COL6A5: variants seen among roughly 807,000 people sequenced by gnomAD.
The protein encoded by COL6A5 is collagen type VI alpha 5 chain, also known as collagen alpha-5(VI) chain.
In COL6A5, 48 loss-of-function variants were observed where a neutral mutation model predicts 65.6. The ratio of observed to expected loss-of-function variants is 0.73; its 90% CI spans 0.58 to 0.93. The LOEUF is 0.93. COL6A5 is among the 40% of genes least tolerant of loss of function. The probability of loss-of-function intolerance (pLI) is 0.00; values close to 1 mark genes in which losing one functional copy is unlikely to be tolerated. For missense variants in COL6A5, 914 were observed against 928.3 expected, an observed-to-expected ratio of 0.98 and a Z score of 0.20; for synonymous variants, 291 against 322.8, an observed-to-expected ratio of 0.90 and a Z score of 1.05.
chr3:130,363,076 T>A (rs1935200489), intron 1 of COL6A5, among the ~76,000 whole-genome samples: 1 of 152,214 alleles, frequency 6.6e-6, no homozygotes, highest in African/African-American at 2.4e-5. Flanking sequence ...CCTTTGTTTT[T>A]TGTTCCAATT....
chr3:130,409,896 C>T lies in COL6A5; in HGVS notation c.4543-113C>T, dbSNP rs548532162. On this transcript the variant is annotated intron_variant and NMD_transcript_variant, in intron 18 of 41. Transcript: ENST00000312481. ...GTGAGTTTCGAATATGAAAAAATTT[C>T]TCACACCTCTTATAGCTTGACCCAA... The T allele has an allele frequency of 2.1e-5, 13 of 608,390 alleles. No homozygotes were observed. In the East Asian group the frequency reaches 3.8e-4, roughly 18 times the overall value. 37.7% of individuals were successfully genotyped at this position (608,390 alleles called of 1,614,324 possible).
intron 1 of COL6A5, among the ~76,000 whole-genome samples, chr3:130,369,082 G>A (rs1006339417): frequency 1.3e-5 from 2 of 152,140 alleles, no homozygotes; most frequent in East Asian, 3.9e-4. Context: ...GCCAGCTTTT[G>A]TTGCATAAAT....
At chr3:130,414,475 C>G (rs755574636) in intron 22 of COL6A5, among the ~76,000 whole-genome samples, 1 of 152,094 alleles carries the variant, frequency 6.6e-6, no homozygotes, top group East Asian at 1.9e-4. Flanking sequence ...TACACAGGCT[C>G]CCACAAAGGA....
At chr3:130,403,708 T>TAC (rs71158192) in intron 13 of COL6A5, 46 bp downstream of exon 13, 27,710 of 1,212,970 alleles carry the variant, frequency 0.023, 308 homozygotes, top group East Asian at 0.16. Context: ...ACACACACTG[T>TAC]ACACACACAC....
chr3:130,411,661 G>T (rs933730126), intron 20 of COL6A5, among the ~76,000 whole-genome samples: 1 of 152,134 alleles, frequency 6.6e-6, no homozygotes, highest in Non-Finnish European at 1.5e-5. Flanking sequence ...AAATTTTAAA[G>T]ATAAGTGTGT....
intron 7 of COL6A5, chr3:130,471,891 C>T (rs576722360): frequency 2.9e-4 from 452 of 1,534,834 alleles, no homozygotes; most frequent in Admixed American, 4.7e-4. Context: ...GAAGAAATTT[C>T]AGCTCTAGTG....
rs774848288 is a variant in COL6A5 at position 130,469,018 on chromosome 3, C to T, written c.1770C>T (p.Val590=). 10 of 1,612,894 alleles carry T rather than the reference C, an allele frequency of 6.2e-6. No homozygotes were observed. The Admixed American group carries it at 1.3e-4, about 22-fold the overall frequency. ...CCACCTTAGGAGACAGGGTTGCTGT[C>T]CTGAGCTACTCTCCTCCAGGCTATA... Residue 590 remains valine (V), a synonymous_variant, in exon 6 of 8, where the codon GTC becomes GTT. Coordinates refer to ENST00000512836, the Ensembl canonical transcript of COL6A5.
At position 130,431,464 on chromosome 3, in the gene COL6A5, G is replaced by GA; in HGVS notation, c.7dup (p.Cys4MetfsTer24). 1 of 1,546,322 alleles carries GA rather than the reference G, an allele frequency of 6.5e-7. No individual in the cohort carries two copies. Among genetic ancestry groups the GA allele is most frequent in the Non-Finnish European group, 8.7e-7 (1 of 1,144,934 alleles). Reference sequence around the variant, plus strand: ...AATACTTCTGCTTTTCTTTTTTCTAGAAAAATGTCCAGCATATCCAACAGA... The same window carrying GA: ...AATACTTCTGCTTTTCTTTTTTCTAGAAAAAATGTCCAGCATATCCAACAGA... On this transcript the variant is annotated frameshift_variant, in exon 1 of 8. Coordinates refer to ENST00000512836, the Ensembl canonical transcript of COL6A5. LOFTEE classifies it high-confidence loss of function.
At chr3:130,390,505 C>T (rs1936356976) in intron 6 of COL6A5, among the ~76,000 whole-genome samples, 1 of 152,012 alleles carries the variant, frequency 6.6e-6, no homozygotes, top group Non-Finnish European at 1.5e-5. Context: ...AGAGTCCACA[C>T]TTTGGAAAGC....
chr3:130,417,296 T>C (rs1006865272), intron 24 of COL6A5, among the ~76,000 whole-genome samples: 11 of 152,146 alleles, frequency 7.2e-5, no homozygotes, highest in African/African-American at 2.4e-4. Context: ...ATATTTCTTA[T>C]GGATTTCAAA....
In COL6A5 at chr3:130,350,122, A is replaced by G. The variant is rs544069738; in HGVS notation, c.-29+4141A>G. ...TGGAGATGTATTTTCATAGCTGAGTACATTGCCTCATCAATCAACATAGGA... is the reference window on the plus strand; with the variant it reads ...TGGAGATGTATTTTCATAGCTGAGTGCATTGCCTCATCAATCAACATAGGA... On this transcript the variant is annotated intron_variant and NMD_transcript_variant, in intron 1 of 41. Transcript: ENST00000312481. Among the ~76,000 whole-genome samples the G allele has an allele frequency of 3.7e-4, 57 of 152,328 alleles. No individual in the cohort carries two copies. The South Asian group carries it at 5.2e-3, about 14-fold the overall frequency.
chr3:130,388,670 T>C (rs1936283950), exon 6 of COL6A5: 1 of 1,551,190 alleles, frequency 6.4e-7, no homozygotes, highest in Non-Finnish European at 8.7e-7. Context: ...AAAATCTTCA[T>C]GAAAAACCTG....
At chr3:130,423,751 TA>T in intron 28 of COL6A5, 86 bp from the exon 29 acceptor site, 2 of 942,960 alleles carry the variant, frequency 2.1e-6, no homozygotes, top group Non-Finnish European at 3.1e-6. Context: ...AAATTTTTTT[TA>T]AAATTAGAAA....
intron 1 of COL6A5, among the ~76,000 whole-genome samples, chr3:130,365,429 T>C (rs1039153293): frequency 1.3e-5 from 2 of 152,092 alleles, no homozygotes; most frequent in South Asian, 2.1e-4. Context: ...AGGCGCCCGC[T>C]ACTACGCCCG....
chr3:130,410,404 G>A lies in COL6A5; in HGVS notation c.4609-67G>A, dbSNP rs934766508. On this transcript the variant is annotated intron_variant and NMD_transcript_variant, in intron 19 of 41. Transcript: ENST00000312481. ...TTTTAATAGTGCTTGAGGTTTTGAT[G>A]CTGATGCCTTTGTGATTTATTCAGA... is the stretch of plus-strand genomic sequence containing the variant. 4.3e-6 allele frequency: 5 copies of A among 1,159,040 alleles called. No homozygotes were observed. The African/African-American group carries it at 4.6e-5, about 11-fold the overall frequency. The allele number at this position is 1,159,040 out of a possible 1,614,324, so 71.8% of individuals were successfully genotyped here.
intron 1 of COL6A5, among the ~76,000 whole-genome samples, chr3:130,371,668 A>G (rs1188809539): frequency 3.3e-5 from 5 of 152,190 alleles, no homozygotes; most frequent in African/African-American, 9.7e-5. Flanking sequence ...CCCCATACAC[A>G]AAACAACTTA....
At chr3:130,431,174 A>G, upstream of COL6A5, 2 of 668,660 alleles carry the variant, frequency 3.0e-6, no homozygotes. Flanking sequence ...GAAGAGTTCC[A>G]TCAGCTCAAG....
At chr3:130,448,970 TTTAA>T (rs1377975368) in intron 4 of COL6A5, among the ~76,000 whole-genome samples, 1 of 152,146 alleles carries the variant, frequency 6.6e-6, no homozygotes, top group Non-Finnish European at 1.5e-5. Flanking sequence ...CCCCCATAGG[TTTAA>T]TTACAGCATT....
chr3:130,415,321 C>G (rs1937307096), intron 22 of COL6A5, among the ~76,000 whole-genome samples: 1 of 152,112 alleles, frequency 6.6e-6, no homozygotes. Context: ...GGTAACCCGT[C>G]CCTTTAAAGG....
Sources: gnomAD v4.1 joint callset for allele counts (sites outside exome capture counted in the v4.1 genomes callset) on GRCh38, gnomAD v4.1.1 for gene constraint, MANE v1.5 for transcripts, NCBI Gene and HGNC (gene_info 2026-07-23, HGNC 2026-07-21) for gene names.